CLSTN1: variants seen among roughly 807,000 people sequenced by gnomAD.
CLSTN1 encodes calsyntenin-1.
Under a neutral mutation model 108.3 loss-of-function variants are expected in CLSTN1, and 28 were observed. The observed-to-expected ratio is 0.26, with a 90% CI of 0.19 to 0.35. CLSTN1 has a LOEUF of 0.35. Ranked by LOEUF, CLSTN1 falls within the 10% of genes least tolerant of loss-of-function variation. CLSTN1 has a pLI of 1.00. For missense variants in CLSTN1, 1,157 were observed against 1,302.6 expected (o/e 0.89, Z 1.72); for synonymous variants, 524 against 534.9 (o/e 0.98, Z 0.28).
upstream of CLSTN1, chr1:9,824,510 A>C (rs1197768843): frequency 1.3e-5 from 2 of 152,336 alleles, no homozygotes; most frequent in Non-Finnish European, 2.9e-5. This position sits in a 1 kb window ranked among gnomAD's most constrained non-coding sequence, Gnocchi z 5.0. Flanking sequence ...GGGGTCACGA[A>C]AGGGGGTCCA....
intron 15 of CLSTN1, 113 bp downstream of exon 15, chr1:9,733,859 T>A (rs1391220450): frequency 9.5e-6 from 11 of 1,155,186 alleles, no homozygotes; most frequent in Admixed American, 8.7e-5. Flanking sequence ...TCCTTCCCCA[T>A]CTCCCTCTAA....
chr1:9,821,977 T>C (rs1309664723), intron 1 of CLSTN1, among the ~76,000 whole-genome samples: 1 of 152,236 alleles, frequency 6.6e-6, no homozygotes, highest in Non-Finnish European at 1.5e-5. Flanking sequence ...AAATGTATGC[T>C]GTTTAAGTAA....
In CLSTN1 at chr1:9,756,507, C is replaced by T. The variant is rs371133484; in HGVS notation, c.218G>A (p.Ser73Asn). The T allele has an allele frequency of 2.4e-5, 39 of 1,612,242 alleles. No homozygotes were observed. The Admixed American group carries it at 3.5e-4, about 14-fold the overall frequency. The change falls in exon 3 of 19, where the codon AGT (serine) becomes AAT (asparagine). Residue 73 changes from serine (S) to asparagine (N), a missense_variant. By Grantham distance (46) the Ser-to-Asn change is conservative (BLOSUM62 1). Transcript: ENST00000377298. ...TTCTTTGGTGACTGTCACCTCAAAA[C>T]TCTCTAAAGGGAGAAAAGATAAGCC... Reference protein sequence around the residue: ...DKDAPLRFAESFEVTVTKEGE... With the variant: ...DKDAPLRFAENFEVTVTKEGE...
chr1:9,735,184 A>T lies in CLSTN1; in HGVS notation c.1884-10T>A, dbSNP rs910033905. On this transcript the variant is annotated splice_polypyrimidine_tract_variant and intron_variant, in intron 13 of 18. Transcript: ENST00000377298. Reference sequence around the variant, plus strand: ...GGCCTCGTTAAAACACCTGCCAGCAAGAAATGGGGAAGGGTCAGGGCTTTG... The same window carrying T: ...GGCCTCGTTAAAACACCTGCCAGCATGAAATGGGGAAGGGTCAGGGCTTTG... 1.2e-6 allele frequency: 2 copies of T among 1,613,442 alleles called. No individual in the cohort carries two copies. The highest frequency in any genetic ancestry group is 1.3e-5 in the African/African-American group (1 of 74,928).
At chr1:9,773,170 G>A in intron 2 of CLSTN1, 102 bp downstream of exon 2, 1 of 1,479,064 alleles carries the variant, frequency 6.8e-7, no homozygotes, top group Admixed American at 1.9e-5. Flanking sequence ...CCTCAGCTAT[G>A]GAGACATTTT....
chr1:9,761,418 C>T (rs1021311158), intron 2 of CLSTN1, among the ~76,000 whole-genome samples: 12 of 152,212 alleles, frequency 7.9e-5, no homozygotes, highest in African/African-American at 2.9e-4. Context: ...ACCTGAGTCT[C>T]GGATGTTAAG....
At chr1:9,787,216 T>C (rs1037816362) in intron 1 of CLSTN1, among the ~76,000 whole-genome samples, 5 of 150,904 alleles carry the variant, frequency 3.3e-5, no homozygotes, top group Non-Finnish European at 7.4e-5. Context: ...CTTCCATCCA[T>C]CCATCCGTCT....
intron 1 of CLSTN1, among the ~76,000 whole-genome samples, chr1:9,818,835 G>A (rs1179918595): frequency 1.6e-5 from 2 of 128,980 alleles, no homozygotes; most frequent in Non-Finnish European, 3.1e-5. Context: ...CGCCCAGGCT[G>A]GAGTGCAGTG....
chr1:9,816,576 GGTTTTTTT>G (rs982784723), intron 1 of CLSTN1, among the ~76,000 whole-genome samples: 46 of 55,860 alleles, frequency 8.2e-4, no homozygotes, highest in South Asian at 7.7e-3. Flanking sequence ...GAAAAAGGTG[GGTTTTTTT>G]GTTTGTTTGT....
chr1:9,800,551 C>T (rs1489948937), intron 1 of CLSTN1, among the ~76,000 whole-genome samples: 1 of 131,838 alleles, frequency 7.6e-6, no homozygotes, highest in Non-Finnish European at 1.6e-5. Flanking sequence ...AACCCCGTCT[C>T]CACTAGAAAA....
chr1:9,764,928 G>A (rs1458685889), intron 2 of CLSTN1, among the ~76,000 whole-genome samples: 2 of 152,124 alleles, frequency 1.3e-5, no homozygotes, highest in Non-Finnish European at 2.9e-5. Context: ...TTCCTGGGTG[G>A]TGTCTACATC....
intron 2 of CLSTN1, among the ~76,000 whole-genome samples, chr1:9,759,436 T>C (rs1478103274): frequency 6.6e-6 from 1 of 152,102 alleles, no homozygotes; most frequent in Non-Finnish European, 1.5e-5. Context: ...CCACCACACC[T>C]GGCTAATTTT....
intron 5 of CLSTN1, chr1:9,750,226 T>C (rs6658971): frequency 0.032 from 6,528 of 203,934 alleles, 420 homozygotes; most frequent in African/African-American, 0.14. Context: ...AAAATAATAA[T>C]AATTCAAGTA....
At position 9,782,781 on chromosome 1, in the gene CLSTN1, C is replaced by G. The variant is rs901620668; in HGVS notation, c.92-9387G>C. Among the ~76,000 whole-genome samples, 7 of 151,368 alleles carry G rather than the reference C, an allele frequency of 4.6e-5. 1 individual carries two copies. The highest frequency in any genetic ancestry group is 1.0e-4 in the Non-Finnish European group (7 of 67,842). The stretch of plus-strand genomic sequence containing the variant: ...TAGCACTTTGGGAGGCCAAGGCAAG[C>G]AGATCACCTGAGGTCAGGAGTTCAA... On this transcript the variant is annotated intron_variant, in intron 1 of 18. Transcript: ENST00000377298.
intron 2 of CLSTN1, 49 bp downstream of exon 2, chr1:9,773,223 T>G: frequency 6.2e-7 from 1 of 1,611,082 alleles, no homozygotes; most frequent in Non-Finnish European, 8.5e-7. Context: ...GCAGAATGCT[T>G]CCTGACCAGG....
At chr1:9,786,852 A>G (rs1161540181) in intron 1 of CLSTN1, among the ~76,000 whole-genome samples, 1 of 151,170 alleles carries the variant, frequency 6.6e-6, no homozygotes, top group Non-Finnish European at 1.5e-5. Context: ...CAAGGCATGC[A>G]TGGTGGCATC....
chr1:9,821,349 T>C (rs1655183083), intron 1 of CLSTN1, among the ~76,000 whole-genome samples: 1 of 152,206 alleles, frequency 6.6e-6, no homozygotes, highest in South Asian at 2.1e-4. Context: ...GCCAGGCTGG[T>C]CTCGAACTCC....
rs772675654 is a variant in CLSTN1 at position 9,756,488 on chromosome 1, G to A, written c.237C>T (p.Thr79=). 4 of 1,612,260 alleles carry A rather than the reference G, an allele frequency of 2.5e-6. No homozygotes were observed. Among genetic ancestry groups the A allele is most frequent in the Admixed American group, 1.7e-5 (1 of 59,936 alleles). Residue 79 remains threonine, a synonymous_variant, in exon 3 of 19, where the codon ACC becomes ACT. Transcript: ENST00000377298. ...GAAAGAACCCTTTATCACCTTCTTT[G>A]GTGACTGTCACCTCAAAACTCTCTA... The part of the protein sequence containing the change: ...RFAESFEVTV[T]KEGEICGFKI...
rs1397290315 is a variant in CLSTN1, at chr1:9,791,948, A to C, written c.92-18554T>G. Among the ~76,000 whole-genome samples, 14 of 151,178 alleles carry C rather than the reference A, an allele frequency of 9.3e-5. No individual in the cohort carries two copies. The Admixed American group carries it at 9.4e-4, about 10-fold the overall frequency. ...TCGATCACCTGAGGTCAGGAGTTCCAGACCAGTCTGGCCAACATGGGGAAA... is the reference window on the plus strand; with the variant it reads ...TCGATCACCTGAGGTCAGGAGTTCCCGACCAGTCTGGCCAACATGGGGAAA... On this transcript the variant is annotated intron_variant, in intron 1 of 18. Transcript: ENST00000377298.
Sources: gnomAD v4.1 joint callset for allele counts (sites outside exome capture counted in the v4.1 genomes callset) on GRCh38, gnomAD v4.1.1 for gene constraint, Gnocchi (gnomAD v3.1) non-coding constraint, MANE v1.5 for transcripts, NCBI Gene and HGNC (gene_info 2026-07-23, HGNC 2026-07-21) for gene names.